PDE4D: variants seen among roughly 807,000 people sequenced by gnomAD.
PDE4D encodes the protein phosphodiesterase 4D, also known as 3',5'-cyclic-AMP phosphodiesterase 4D.
In PDE4D, 24 loss-of-function variants were observed where a neutral mutation model predicts 87.4. That is an observed-to-expected ratio of 0.27 (90% CI 0.20 to 0.39). PDE4D has a LOEUF of 0.39. Among genes scored for constraint, PDE4D ranks in the 10% least tolerant of loss-of-function variants. The probability of loss-of-function intolerance (pLI) is 1.00; values close to 1 mark genes in which losing one functional copy is unlikely to be tolerated. For synonymous variants in PDE4D, 384 were observed against 383.2 expected (o/e 1.00, Z -0.02); for missense variants, 714 against 1,041.0 (o/e 0.69, Z 4.32).
intron 3 of PDE4D, among the ~76,000 whole-genome samples, chr5:59,926,017 A>C (rs903188044): frequency 2.0e-5 from 3 of 152,210 alleles, no homozygotes; most frequent in African/African-American, 7.2e-5. Flanking sequence ...ACCAAATGGA[A>C]CTAATAGATA....
chr5:60,092,288 G>A (rs1410843850), intron 2 of PDE4D, among the ~76,000 whole-genome samples: 1 of 152,052 alleles, frequency 6.6e-6, no homozygotes, highest in East Asian at 1.9e-4. Context: ...ACCAGACATT[G>A]GGAAGGGAAG....
intron 3 of PDE4D, among the ~76,000 whole-genome samples, chr5:59,929,272 T>C (rs1755629913): frequency 1.3e-5 from 2 of 152,178 alleles, no homozygotes; most frequent in African/African-American, 4.8e-5. Flanking sequence ...CACTTCATTC[T>C]CCCTGTCCTT....
intron 1 of PDE4D, among the ~76,000 whole-genome samples, chr5:60,477,193 G>A (rs1748396658): frequency 6.6e-6 from 1 of 152,150 alleles, no homozygotes; most frequent in East Asian, 1.9e-4. Context: ...GACTCACCCA[G>A]CAAATGCTAT....
At chr5:59,064,038 T>C (rs991308669) in intron 5 of PDE4D, among the ~76,000 whole-genome samples, 4 of 151,902 alleles carry the variant, frequency 2.6e-5, no homozygotes, top group Admixed American at 2.6e-4. Context: ...ACTGTTGTCA[T>C]TGTTGCTGTT....
chr5:59,289,784 G>T (rs1386698751), intron 1 of PDE4D, among the ~76,000 whole-genome samples: 2 of 151,980 alleles, frequency 1.3e-5, no homozygotes. Context: ...AAAACCTGAA[G>T]ATTCCACCAA....
intron 3 of PDE4D, among the ~76,000 whole-genome samples, chr5:59,909,466 G>T (rs1200879014): frequency 6.6e-6 from 1 of 151,948 alleles, no homozygotes; most frequent in Non-Finnish European, 1.5e-5. Flanking sequence ...CGCAATCATG[G>T]CTCACTGCAG....
chr5:59,688,121 G>A (rs372973648), intron 1 of PDE4D, among the ~76,000 whole-genome samples: 1 of 152,126 alleles, frequency 6.6e-6, no homozygotes, highest in African/African-American at 2.4e-5. Flanking sequence ...ATAATAAAGA[G>A]AGACTGTAAC....
intron 2 of PDE4D, among the ~76,000 whole-genome samples, chr5:60,165,443 G>GT (rs1353283845): frequency 3.3e-5 from 5 of 152,126 alleles, no homozygotes; most frequent in African/African-American, 1.2e-4. Context: ...GTCAGGTAGT[G>GT]TGATGCCTCC....
chr5:59,465,570 A>C (rs1447485450), intron 1 of PDE4D, among the ~76,000 whole-genome samples: 1 of 152,166 alleles, frequency 6.6e-6, no homozygotes, highest in Admixed American at 6.6e-5. Context: ...TTCTCCATTA[A>C]AGTTGGAGTT....
At position 60,188,667 on chromosome 5, in the gene PDE4D, T is replaced by G. The variant is rs186439188; in HGVS notation, c.-89-2980A>C. Among the ~76,000 whole-genome samples the G allele has an allele frequency of 1.5e-4, 23 of 152,186 alleles. No individual in the cohort carries two copies. In the East Asian group the frequency reaches 2.3e-3, roughly 15 times the overall value. On this transcript the variant is annotated intron_variant, in intron 1 of 16. Coordinates refer to the PDE4D transcript ENST00000502484. ...AGGATTGCATGTTCTGCTACCTCAT[T>G]TATCCTTAAAAAAATCTCTATAATG...
At position 58,975,967 on chromosome 5, in the gene PDE4D, C is replaced by T. The variant is rs375676512; in HGVS notation, c.1831-128G>A. On this transcript the variant is annotated intron_variant, in intron 13 of 14. Transcript: ENST00000340635. The surrounding 1 kb of genome is among the most constrained non-coding windows in gnomAD (Gnocchi z 4.2). ...AATACACGTAGTGTAAGATTTATTC[C>T]AAACAGCTCAACCATGATGTGTCTG... 14 of 685,344 alleles carry T rather than the reference C, an allele frequency of 2.0e-5. No homozygotes were observed. The African/African-American group carries it at 2.4e-4, about 12-fold the overall frequency. The allele number at this position is 685,344 out of a possible 1,614,324, so 42.5% of individuals were successfully genotyped here.
At chr5:59,784,978 G>A (rs1765018812) in intron 1 of PDE4D, among the ~76,000 whole-genome samples, 1 of 152,188 alleles carries the variant, frequency 6.6e-6, no homozygotes, top group South Asian at 2.1e-4. Flanking sequence ...ATGATTGTGA[G>A]GCCTCCCCAG....
rs143499156 is a variant in PDE4D, at chr5:59,072,499, T to A, written c.809-33528A>T. Reference sequence around the variant, plus strand: ...AATGGCACTCAGTCTTCAACCTGCCTAGGCCCCCCTTGTCTAGGGACGGTT... The same window carrying A: ...AATGGCACTCAGTCTTCAACCTGCCAAGGCCCCCCTTGTCTAGGGACGGTT... On this transcript the variant is annotated intron_variant, in intron 5 of 14. Transcript: ENST00000340635. Among the ~76,000 whole-genome samples the A allele has an allele frequency of 8.1e-4, 124 of 152,330 alleles. 2 individuals carry two copies. Among genetic ancestry groups the A allele is most frequent in the East Asian group, 6.8e-3 (35 of 5,184 alleles).
At chr5:59,532,403 G>A (rs1036172960) in intron 1 of PDE4D, among the ~76,000 whole-genome samples, 3 of 152,136 alleles carry the variant, frequency 2.0e-5, no homozygotes, top group Non-Finnish European at 4.4e-5. Flanking sequence ...CTCCCAAAGT[G>A]TTGAGATTAC....
intron 5 of PDE4D, among the ~76,000 whole-genome samples, chr5:59,154,850 C>T (rs967875837): frequency 6.6e-6 from 1 of 152,200 alleles, no homozygotes; most frequent in African/African-American, 2.4e-5. Context: ...CTTGCCACTG[C>T]ACTCCATCCT....
intron 3 of PDE4D, among the ~76,000 whole-genome samples, chr5:59,978,617 T>C (rs1480479659): frequency 8.5e-5 from 13 of 152,206 alleles, no homozygotes; most frequent in Non-Finnish European, 4.4e-5. Context: ...AAATATTATA[T>C]AAACTTAGTA....
At chr5:60,379,203 A>AC (rs1459966527) in intron 1 of PDE4D, among the ~76,000 whole-genome samples, 5 of 151,772 alleles carry the variant, frequency 3.3e-5, no homozygotes, top group Admixed American at 2.6e-4. Context: ...AAAAAAAAAA[A>AC]ACATTAAAAC....
chr5:60,143,443 T>C (rs1544790), intron 2 of PDE4D, among the ~76,000 whole-genome samples: 108,766 of 152,026 alleles, frequency 0.72, 39,744 homozygotes, highest in African/African-American at 0.82. Flanking sequence ...ATATTTTTAC[T>C]CACTACCAAT....
chr5:59,581,220 G>T (rs1240487425), intron 1 of PDE4D, among the ~76,000 whole-genome samples: 1 of 152,090 alleles, frequency 6.6e-6, no homozygotes, highest in African/African-American at 2.4e-5. Context: ...AAGGATGAGG[G>T]ATTTTTTTAA....
Sources: allele counts gnomAD v4.1 joint callset (sites outside exome capture counted in the v4.1 genomes callset), GRCh38; gene constraint gnomAD v4.1.1; non-coding constraint Gnocchi (gnomAD v3.1); transcripts MANE v1.5; gene names NCBI Gene and HGNC (gene_info 2026-07-23, HGNC 2026-07-21).